The following SLC6A13 variants were observed in gnomAD, a reference collection of about 807,000 sequenced individuals.
SLC6A13 encodes sodium- and chloride-dependent GABA transporter 2.
A neutral mutation model predicts 72.9 loss-of-function variants in SLC6A13; 69 were observed. The observed-to-expected ratio is 0.95, with a 90% CI of 0.78 to 1.16. The LOEUF (loss-of-function observed/expected upper bound fraction) is 1.16, where lower values mean the gene tolerates loss of function less well. SLC6A13 is among the 50% of genes most tolerant of loss of function. SLC6A13 has a pLI of 0.00. For missense variants in SLC6A13, 735 were observed against 760.5 expected (o/e 0.97, Z 0.39); for synonymous variants, 303 against 303.0 (o/e 1.00, Z 0.00).
intron 9 of SLC6A13, 79 bp downstream of exon 9, chr12:226,311 A>G: frequency 1.3e-6 from 2 of 1,575,118 alleles, no homozygotes; most frequent in Middle Eastern, 1.7e-4. Context: ...CAGGTGACAC[A>G]ATGGAAACGC....
rs752830883 is a variant in SLC6A13 at position 235,266 on chromosome 12, G to C, written c.697-42C>G. The C allele has an allele frequency of 9.3e-6, 15 of 1,612,146 alleles. No homozygotes were observed. In the South Asian group the frequency reaches 1.3e-4, roughly 14 times the overall value. On this transcript the variant is annotated intron_variant, in intron 6 of 14. Coordinates refer to ENST00000343164, the MANE Select transcript of SLC6A13 (RefSeq NM_016615.5). Reference sequence around the variant, plus strand: ...GAGAGACAAGGAGCTTGTGAGTGAGGAAGCAGCAGGGGCAGGAGGCAGGGG... The same window carrying C: ...GAGAGACAAGGAGCTTGTGAGTGAGCAAGCAGCAGGGGCAGGAGGCAGGGG...
chr12:255,767 A>G (rs1942721722), intron 2 of SLC6A13, among the ~76,000 whole-genome samples: 1 of 152,178 alleles, frequency 6.6e-6, no homozygotes, highest in African/African-American at 2.4e-5. Context: ...CACTAGAGCA[A>G]AAGCTGAAGT....
intron 2 of SLC6A13, among the ~76,000 whole-genome samples, chr12:248,403 GAAAAAAAAAAAA>G (rs35297718): frequency 1.0e-5 from 1 of 100,452 alleles, no homozygotes; most frequent in Non-Finnish European, 2.0e-5. Context: ...CTCCGTCTCG[GAAAAAAAAAAAA>G]AAAAAAAAAG....
At chr12:255,160 G>A (rs912596717) in intron 2 of SLC6A13, among the ~76,000 whole-genome samples, 1 of 152,140 alleles carries the variant, frequency 6.6e-6, no homozygotes, top group Admixed American at 6.5e-5. Flanking sequence ...ACATCTCATC[G>A]CGGGGGCTCT....
Position 237,267 on chromosome 12 carries a change from T to C in SLC6A13, c.587A>G (p.Asp196Gly), listed in dbSNP as rs2137285371. The change falls in exon 6 of 15, where the codon GAT becomes GGT. Residue 196 changes from aspartate (D) to glycine (G), a missense_variant. By Grantham distance (94) the Asp-to-Gly change is moderately conservative (BLOSUM62 -1). Coordinates refer to ENST00000343164, the MANE Select transcript of SLC6A13 (RefSeq NM_016615.5). ...CAGGGCCCCCAGGTGCTGGATCCCA[T>C]CAGAGATCTTCAAGACCCGCCGCCT... ...FWERRVLKISDGIQHLGALRW... is the reference protein window; with the variant it reads ...FWERRVLKISGGIQHLGALRW... 1 of 1,614,034 alleles carries C rather than the reference T, an allele frequency of 6.2e-7. No individual in the cohort carries two copies. The highest frequency in any genetic ancestry group is 2.2e-5 in the East Asian group (1 of 44,888).
At chr12:234,564 C>T (rs1414916273) in intron 7 of SLC6A13, among the ~76,000 whole-genome samples, 1 of 152,080 alleles carries the variant, frequency 6.6e-6, no homozygotes, top group African/African-American at 2.4e-5. Context: ...GTTGCCCAGG[C>T]TAGAGTGCAG....
In SLC6A13 at chr12:258,889, G is replaced by A; in HGVS notation, c.202+962C>T. The A allele has an allele frequency of 6.1e-6, 6 of 980,744 alleles. No homozygotes were observed. In the African/African-American group the frequency reaches 1.0e-4, roughly 17 times the overall value. The allele number at this position is 980,744 out of a possible 1,614,324, so 60.8% of individuals were successfully genotyped here. On this transcript the variant is annotated intron_variant, in intron 2 of 14. Transcript: ENST00000343164. ...AAAAAGAGAGCCTATACTAGAAGGG[G>A]CTGGGTAATGGATGGCTTAGGGAGC...
At chr12:228,386 C>A (rs1036564845) in intron 7 of SLC6A13, among the ~76,000 whole-genome samples, 9 of 152,140 alleles carry the variant, frequency 5.9e-5, no homozygotes, top group Non-Finnish European at 8.8e-5. Context: ...TGCAGATCTG[C>A]AGGACCCTCC....
At position 224,118 on chromosome 12, in the gene SLC6A13, T is replaced by C; in HGVS notation, c.1185A>G (p.Val395=). 6.2e-7 allele frequency: 1 copy of C among 1,614,136 alleles called. No homozygotes were observed. The highest frequency in any genetic ancestry group is 8.5e-7 in the Non-Finnish European group (1 of 1,180,028). The change falls in exon 11 of 15, where the codon GTA becomes GTG. Residue 395 remains valine, a synonymous_variant. Transcript: ENST00000343164. ...CCACCAGCGCTGTCACCAGGCTTTC[T>C]ACACACACAAACTGGATGACAGGGC... ...LLGLDSQFVC[V]ESLVTALVDM... is the part of the protein sequence containing the mutation.
At chr12:222,664 GA>G (rs1189043085) in intron 12 of SLC6A13, 32 bp from the exon 13 acceptor site, 1 of 1,448,110 alleles carries the variant, frequency 6.9e-7, no homozygotes, top group South Asian at 1.2e-5. Context: ...GGAAGGAGGA[GA>G]AAGTCATTCT....
At chr12:237,892 C>T (rs778800959) in intron 5 of SLC6A13, 34 bp downstream of exon 5, 27 of 1,470,128 alleles carry the variant, frequency 1.8e-5, no homozygotes, top group Admixed American at 3.3e-5. Context: ...TCTGAACACA[C>T]GGCCCACAGT....
chr12:220,775 G>A lies in SLC6A13; in HGVS notation c.*173C>T. On this transcript the variant is annotated 3_prime_UTR_variant, in exon 15 of 15. Coordinates refer to ENST00000343164, the MANE Select transcript of SLC6A13 (RefSeq NM_016615.5). ...TTCACATCTGTTCAACAACCCCTGA[G>A]CTGAAAAGTTGCAGTGGGAGGCCTC... 1 of 690,568 alleles carries A rather than the reference G, an allele frequency of 1.4e-6. No homozygotes were observed. The allele number at this position is 690,568 out of a possible 1,614,324, so 42.8% of individuals were successfully genotyped here. A position where few individuals can be genotyped will look rare whatever the true frequency, so the allele number is the denominator to read the frequency against.
At chr12:262,013 A>G (rs1942943565) in intron 1 of SLC6A13, among the ~76,000 whole-genome samples, 1 of 151,914 alleles carries the variant, frequency 6.6e-6, no homozygotes, top group African/African-American at 2.4e-5. Flanking sequence ...TCTACAAAGG[A>G]GAAACTCAAG....
chr12:254,750 CAA>C lies in SLC6A13; in HGVS notation c.202+5099_202+5100del, dbSNP rs2137317466. On this transcript the variant is annotated intron_variant, in intron 2 of 14. Coordinates refer to ENST00000343164, the MANE Select transcript of SLC6A13 (RefSeq NM_016615.5). The surrounding 1 kb of genome is among the most constrained non-coding windows in gnomAD (Gnocchi z 4.4). The stretch of plus-strand genomic sequence containing the variant: ...CCAGCCAGATCTCTCTCACAAACCC[CAA>C]ACTCACATTCTATTGCCCAGTTGCC... 6.6e-6 allele frequency among the ~76,000 whole-genome samples: 1 copy of C among 152,298 alleles called. No individual in the cohort carries two copies. Among genetic ancestry groups the C allele is most frequent in the Non-Finnish European group, 1.5e-5 (1 of 68,028 alleles).
rs1180975824 is a variant in SLC6A13, at chr12:254,900, A to G, written c.202+4951T>C. On this transcript the variant is annotated intron_variant, in intron 2 of 14. Transcript: ENST00000343164. This position sits in a 1 kb window ranked among gnomAD's most constrained non-coding sequence, Gnocchi z 4.4. ...AGTGGCTTATGCCTGTAATCCCAGC[A>G]CTTTGGGAGGCCGAGGCAGGCAGAT... Among the ~76,000 whole-genome samples, 1 of 152,160 alleles carries G rather than the reference A, an allele frequency of 6.6e-6. No homozygotes were observed. The highest frequency in any genetic ancestry group is 1.9e-4 in the East Asian group (1 of 5,188).
intron 14 of SLC6A13, 126 bp from the exon 15 acceptor site, chr12:221,196 TG>T: frequency 1.5e-6 from 2 of 1,371,666 alleles, no homozygotes; most frequent in Non-Finnish European, 9.7e-7. Context: ...AGCCCCTGTC[TG>T]GGAGTCCCCC....
In SLC6A13 at chr12:237,296, G is replaced by A; in HGVS notation, c.564-6C>T. Reference sequence around the variant, plus strand: ...AGATCTTCAAGACCCGCCGCCTGGGGAGAGAAGGGTTGAACCTGGCTTACT... The same window carrying A: ...AGATCTTCAAGACCCGCCGCCTGGGAAGAGAAGGGTTGAACCTGGCTTACT... On this transcript the variant is annotated splice_region_variant and splice_polypyrimidine_tract_variant and intron_variant, in intron 5 of 14. Transcript: ENST00000343164. 1 of 1,614,094 alleles carries A rather than the reference G, an allele frequency of 6.2e-7. No individual in the cohort carries two copies.
intron 2 of SLC6A13, among the ~76,000 whole-genome samples, chr12:251,458 A>T (rs564941163): frequency 6.6e-6 from 1 of 152,344 alleles, no homozygotes; most frequent in African/African-American, 2.4e-5. Flanking sequence ...TCTTCACTGT[A>T]TACAAAAATT....
At chr12:244,354 G>T (rs142758734) in intron 2 of SLC6A13, among the ~76,000 whole-genome samples, 1 of 152,308 alleles carries the variant, frequency 6.6e-6, no homozygotes, top group Non-Finnish European at 1.5e-5. Flanking sequence ...CTGCCCTCAT[G>T]AATGGATTAA....
Sources: gnomAD v4.1 joint callset for allele counts (sites outside exome capture counted in the v4.1 genomes callset) on GRCh38, gnomAD v4.1.1 for gene constraint, Gnocchi (gnomAD v3.1) non-coding constraint, MANE v1.5 for transcripts, NCBI Gene and HGNC (gene_info 2026-07-23, HGNC 2026-07-21) for gene names.